Variants in ADGRF3 observed in about 807,000 individuals in gnomAD.
ADGRF3 encodes adhesion G protein-coupled receptor F3.
Under a neutral mutation model 93.2 loss-of-function variants are expected in ADGRF3, and 85 were observed. That is an observed-to-expected ratio of 0.91 (90% CI 0.77 to 1.09). ADGRF3 has a LOEUF of 1.09. Ranked by LOEUF, ADGRF3 falls within the 50% of genes least tolerant of loss-of-function variation. The pLI, the probability that ADGRF3 is intolerant of heterozygous loss-of-function variation, is 0.00. For missense variants in ADGRF3, 1,125 were observed against 1,246.2 expected, an observed-to-expected ratio of 0.90 and a Z score of 1.46; for synonymous variants, 534 against 532.5, an observed-to-expected ratio of 1.00 and a Z score of -0.04.
chr2:26,313,725 T>A, intron 7 of ADGRF3, 35 bp downstream of exon 7: 1 of 1,611,678 alleles, frequency 6.2e-7, no homozygotes, highest in Non-Finnish European at 8.5e-7. Flanking sequence ...GGCAAGCAGC[T>A]GGGACCAGCC....
intron 5 of ADGRF3, among the ~76,000 whole-genome samples, chr2:26,315,126 C>T (rs1674538418): frequency 6.6e-6 from 1 of 152,204 alleles, no homozygotes; most frequent in African/African-American, 2.4e-5. Context: ...CATTCAATCT[C>T]GTGATGGCCC....
At chr2:26,337,813 A>G (rs1465468982) in intron 1 of ADGRF3, among the ~76,000 whole-genome samples, 1 of 152,126 alleles carries the variant, frequency 6.6e-6, no homozygotes, top group African/African-American at 2.4e-5. Context: ...GCTTGAGGCC[A>G]GGAGTTTGAG....
intron 10 of ADGRF3, 148 bp downstream of exon 10, chr2:26,310,544 T>G: frequency 1.2e-6 from 1 of 805,788 alleles, no homozygotes; most frequent in Non-Finnish European, 1.9e-6. Flanking sequence ...AGCTACTCAG[T>G]GGAGGAACTG....
At chr2:26,316,207 G>C in intron 4 of ADGRF3, 68 bp downstream of exon 4, 1 of 1,471,878 alleles carries the variant, frequency 6.8e-7, no homozygotes, top group East Asian at 2.5e-5. Context: ...GGTTCAGAGA[G>C]GAGAAAACCA....
At chr2:26,318,273 T>C (rs978570798) in intron 1 of ADGRF3, 6 of 591,594 alleles carry the variant, frequency 1.0e-5, no homozygotes, top group African/African-American at 3.8e-5. Context: ...CAAAACCAGA[T>C]ATTGATATAG....
At position 26,316,407 on chromosome 2, in the gene ADGRF3, G is replaced by A. The variant is rs1175553531; in HGVS notation, c.367C>T (p.Leu123Phe). The A allele has an allele frequency of 1.3e-6, 2 of 1,551,770 alleles. No homozygotes were observed. Among genetic ancestry groups the A allele is most frequent in the Admixed American group, 2.0e-5 (1 of 51,008 alleles). The part of the protein sequence containing the change: ...NHKGNFYCAC[L>F]SGYQWNTSIC... ...CTGGTGTTCCACTGGTAGCCAGAGA[G>A]GCAAGCACAATAGAAATTCCCCTTG... is the stretch of plus-strand genomic sequence containing the variant. The change falls in exon 4 of 14, where the codon CTC becomes TTC. Residue 123 changes from leucine to phenylalanine, a missense_variant. Leu to Phe is a conservative substitution (Grantham distance 22). Coordinates refer to ENST00000651242, the MANE Select transcript of ADGRF3 (RefSeq NM_001321971.2).
At chr2:26,328,529 C>T (rs1307761491) in intron 1 of ADGRF3, among the ~76,000 whole-genome samples, 3 of 149,544 alleles carry the variant, frequency 2.0e-5, no homozygotes, top group Admixed American at 1.3e-4. Context: ...TCTCCGATCA[C>T]TGCAATCTCC....
At chr2:26,334,721 C>T (rs150916059) in intron 1 of ADGRF3, among the ~76,000 whole-genome samples, 8 of 152,316 alleles carry the variant, frequency 5.3e-5, no homozygotes. Context: ...TCCTCTCCTA[C>T]TTCATATTAT....
intron 1 of ADGRF3, chr2:26,317,922 A>G (rs1574710864): frequency 9.9e-7 from 1 of 1,012,386 alleles, no homozygotes. Context: ...GCGCTTGGGG[A>G]GTTTATTCCT....
At position 26,313,459 on chromosome 2, in the gene ADGRF3, A is replaced by T. The variant is rs1477149069; in HGVS notation, c.1187T>A (p.Leu396His). Reference sequence around the variant, plus strand: ...CCCCCAGACTCCGTCAGCCCCACAGAGCCTCCTCACTATGCCCCTCTTGCT... The same window carrying T: ...CCCCCAGACTCCGTCAGCCCCACAGTGCCTCCTCACTATGCCCCTCTTGCT... ...PESKRGIVRRLCGADGVWGPV... is the reference protein window; with the variant it reads ...PESKRGIVRRHCGADGVWGPV... The change falls in exon 8 of 14, where the codon CTC (leucine) becomes CAC (histidine). Residue 396 changes from leucine to histidine, a missense_variant. By Grantham distance (99) the Leu-to-His change is moderately conservative (BLOSUM62 -3). Transcript: ENST00000651242. 1.9e-6 allele frequency: 3 copies of T among 1,611,002 alleles called. No individual in the cohort carries two copies. The African/African-American group carries it at 4.0e-5, about 22-fold the overall frequency.
intron 1 of ADGRF3, among the ~76,000 whole-genome samples, chr2:26,336,787 A>G (rs1676077463): frequency 6.6e-6 from 1 of 151,736 alleles, no homozygotes; most frequent in Non-Finnish European, 1.5e-5. Context: ...TTTCAAGGAA[A>G]TAACAGTGGG....
At chr2:26,327,913 C>A (rs1168319160) in intron 1 of ADGRF3, among the ~76,000 whole-genome samples, 1 of 152,090 alleles carries the variant, frequency 6.6e-6, no homozygotes, top group African/African-American at 2.4e-5. Flanking sequence ...ACAACCTAAT[C>A]ACCTCTTAAA....
At chr2:26,329,411 G>A (rs1675641185) in intron 1 of ADGRF3, among the ~76,000 whole-genome samples, 1 of 152,346 alleles carries the variant, frequency 6.6e-6, no homozygotes, top group African/African-American at 2.4e-5. Context: ...GGGATGACAG[G>A]TGTGAGCCAC....
chr2:26,318,238 C>T lies in ADGRF3; in HGVS notation c.115-676G>A, dbSNP rs984685757. On this transcript the variant is annotated intron_variant, in intron 1 of 13. Coordinates refer to ENST00000651242, the MANE Select transcript of ADGRF3 (RefSeq NM_001321971.2). Reference sequence around the variant, plus strand: ...AGACCTGAGCCCTGTCTATATGCACCTGCGTGTGCGTGTGGATATCTATCC... The same window carrying T: ...AGACCTGAGCCCTGTCTATATGCACTTGCGTGTGCGTGTGGATATCTATCC... The T allele has an allele frequency of 2.2e-5, 14 of 643,620 alleles. No homozygotes were observed. The East Asian group carries it at 3.7e-4, about 17-fold the overall frequency. The allele number at this position is 643,620 out of a possible 1,614,324, so 39.9% of individuals were successfully genotyped here. A position where few individuals can be genotyped will look rare whatever the true frequency, so the allele number is the denominator to read the frequency against.
At chr2:26,334,073 G>A (rs755444740) in intron 1 of ADGRF3, among the ~76,000 whole-genome samples, 32 of 151,218 alleles carry the variant, frequency 2.1e-4, no homozygotes, top group Non-Finnish European at 2.7e-4. Flanking sequence ...TGATCTGCTC[G>A]CCTCAGCCTC....
intron 5 of ADGRF3, 114 bp from the exon 6 acceptor site, chr2:26,314,737 G>T: frequency 1.1e-6 from 1 of 947,772 alleles, no homozygotes; most frequent in Non-Finnish European, 1.6e-6. Context: ...GCCACCCAGT[G>T]CTTAACCCCA....
chr2:26,314,426 C>T lies in ADGRF3; in HGVS notation c.916G>A (p.Glu306Lys), dbSNP rs757574321. The change falls in exon 6 of 14, where the codon GAG becomes AAG. Residue 306 changes from glutamate (E) to lysine (K), a missense_variant. By Grantham distance (56) the Glu-to-Lys change is moderately conservative (BLOSUM62 1). Transcript: ENST00000651242. ...CCCCTTCTCATACCTTTGCTGCCCT[C>T]TCCAGGGCTCCAGGCCGCGGTGTAG... is the stretch of plus-strand genomic sequence containing the variant. ...LAYTAAWSPG[E>K]GSKASSFNES... 5 of 1,613,590 alleles carry T rather than the reference C, an allele frequency of 3.1e-6. No homozygotes were observed. Among genetic ancestry groups the T allele is most frequent in the Non-Finnish European group, 4.2e-6 (5 of 1,179,784 alleles).
At chr2:26,316,048 C>A (rs1674626239) in intron 4 of ADGRF3, among the ~76,000 whole-genome samples, 2 of 152,166 alleles carry the variant, frequency 1.3e-5, no homozygotes, top group African/African-American at 2.4e-5. Context: ...CACTCCAGCA[C>A]TTTCTCTCCT....
rs1214939031 is a variant in ADGRF3, at chr2:26,316,297, C to G, written c.477G>C (p.Gly159=). 1.1e-5 allele frequency: 17 copies of G among 1,551,594 alleles called. No individual in the cohort carries two copies. Among genetic ancestry groups the G allele is most frequent in the Non-Finnish European group, 1.4e-5 (16 of 1,146,948 alleles). Residue 159 remains glycine (G), a synonymous_variant, in exon 4 of 14, where the codon GGG becomes GGC. Transcript: ENST00000651242. The stretch of plus-strand genomic sequence containing the variant: ...CACCAGGTGGCAGCAACTGGCAGTA[C>G]CCGGGTTCGGGATGGCTGAAGACAA... ...GCLVFSHPEP[G]YCQLLPPVPG... is the part of the protein sequence containing the mutation.
Sources: allele counts gnomAD v4.1 joint callset (sites outside exome capture counted in the v4.1 genomes callset), GRCh38; gene constraint gnomAD v4.1.1; transcripts MANE v1.5; gene names NCBI Gene and HGNC (gene_info 2026-07-23, HGNC 2026-07-21).